The following CCDC47 variants were observed in gnomAD, a reference collection of about 807,000 sequenced individuals.
CCDC47 encodes the protein coiled-coil domain containing 47.
Under a neutral mutation model 60.5 loss-of-function variants are expected in CCDC47, and 41 were observed. The observed-to-expected ratio is 0.68, with a 90% CI of 0.53 to 0.88. CCDC47 has a LOEUF of 0.88. Among genes scored for constraint, CCDC47 ranks in the 40% least tolerant of loss-of-function variants. CCDC47 has a pLI of 0.00. For missense variants in CCDC47, 513 were observed against 580.9 expected, an observed-to-expected ratio of 0.88 and a Z score of 1.20; for synonymous variants, 195 against 190.7, an observed-to-expected ratio of 1.02 and a Z score of -0.18.
In CCDC47 at chr17:63,751,961, A is replaced by C. The variant is rs1568246139; in HGVS notation, c.1350T>G (p.Pro450=). 6.2e-7 allele frequency: 1 copy of C among 1,613,766 alleles called. No individual in the cohort carries two copies. Among genetic ancestry groups the C allele is most frequent in the Non-Finnish European group, 8.5e-7 (1 of 1,180,008 alleles). ...TAACCTCCAGCCTGCGCTGTTTCTC[A>C]GGATCTTCCTCATTCATGATTCGCT... The part of the protein sequence containing the change: ...EKERIMNEED[P]EKQRRLEEAA... Residue 450 remains proline (P), a synonymous_variant, in exon 12 of 13, where the codon CCT becomes CCG. Transcript: ENST00000225726.
At chr17:63,756,778 A>C (rs1381652483) in intron 6 of CCDC47, among the ~76,000 whole-genome samples, 3 of 152,196 alleles carry the variant, frequency 2.0e-5, no homozygotes, top group African/African-American at 7.2e-5. Flanking sequence ...GAATTAACCA[A>C]AAGGGACATT....
chr17:63,770,757 G>A (rs183075227), intron 1 of CCDC47, among the ~76,000 whole-genome samples: 9 of 151,868 alleles, frequency 5.9e-5, no homozygotes, highest in East Asian at 1.9e-4. Flanking sequence ...AGGCCAATAC[G>A]GGCAGATCAG....
chr17:63,757,881 G>T (rs1003729771), intron 6 of CCDC47, among the ~76,000 whole-genome samples: 1 of 152,060 alleles, frequency 6.6e-6, no homozygotes, highest in African/African-American at 2.4e-5. Context: ...ACCCTAGTTA[G>T]CCTCAGGATG....
rs965374240 is a variant in CCDC47, at chr17:63,764,202, A to G, written c.373-12T>C. On this transcript the variant is annotated splice_polypyrimidine_tract_variant and intron_variant, in intron 3 of 12. Transcript: ENST00000225726. ...AGGTGTGCAGGAACCTAAAAAAGCA[A>G]AATCATTCCATTAAATGTTGGCTGA... 1 of 1,572,606 alleles carries G rather than the reference A, an allele frequency of 6.4e-7. No homozygotes were observed. Among genetic ancestry groups the G allele is most frequent in the African/African-American group, 1.4e-5 (1 of 72,978 alleles).
At chr17:63,767,792 A>G (rs1056426415) in intron 1 of CCDC47, among the ~76,000 whole-genome samples, 1 of 152,170 alleles carries the variant, frequency 6.6e-6, no homozygotes, top group South Asian at 2.1e-4. Context: ...ATCCCTGCCT[A>G]TAGTCATCTC....
At chr17:63,755,588 C>T (rs1383033072) in intron 8 of CCDC47, among the ~76,000 whole-genome samples, 2 of 151,850 alleles carry the variant, frequency 1.3e-5, no homozygotes, top group Admixed American at 6.6e-5. Flanking sequence ...AAGATAACAC[C>T]TAAAATAATT....
At chr17:63,751,342 G>T in intron 12 of CCDC47, among the ~76,000 whole-genome samples, 1 of 108,578 alleles carries the variant, frequency 9.2e-6, no homozygotes, top group Middle Eastern at 8.1e-3. Context: ...CTCCAGCCTG[G>T]GTGACAGAGT....
intron 1 of CCDC47, among the ~76,000 whole-genome samples, chr17:63,768,194 G>A (rs1462270400): frequency 1.3e-5 from 2 of 152,196 alleles, no homozygotes; most frequent in Non-Finnish European, 2.9e-5. Flanking sequence ...TGATCCTACT[G>A]TAATTAAATG....
At position 63,771,015 on chromosome 17, in the gene CCDC47, AGG is replaced by A. The variant is rs1345453613; in HGVS notation, c.-20+2395_-20+2396del. On this transcript the variant is annotated intron_variant, in intron 1 of 12. Coordinates refer to ENST00000225726, the MANE Select transcript of CCDC47 (RefSeq NM_020198.3). ...AAAAAAAAAAGAAAGAAAGAAAGAAAGGAAGGAAGGAAGGAAGGAAGGAAGGA... is the reference window on the plus strand; with the variant it reads ...AAAAAAAAAAGAAAGAAAGAAAGAAAAAGGAAGGAAGGAAGGAAGGAAGGA... Among the ~76,000 whole-genome samples, 5 of 64,062 alleles carry A rather than the reference AGG, an allele frequency of 7.8e-5. No individual in the cohort carries two copies. In the East Asian group the frequency reaches 5.3e-3, roughly 68 times the overall value. The allele number at this position is 64,062 out of a possible 152,430, so 42.0% of individuals were successfully genotyped here.
rs1441257135 is a variant in CCDC47 at position 63,757,017 on chromosome 17, A to C, written c.736-447T>G. On this transcript the variant is annotated intron_variant, in intron 6 of 12. Transcript: ENST00000225726. ...TTAAGCCTAGCTACCTGGGAGGCTG[A>C]GGCATGACTGCTTGATGTCAGGAGT... Among the ~76,000 whole-genome samples, 5 of 152,128 alleles carry C rather than the reference A, an allele frequency of 3.3e-5. No individual in the cohort carries two copies. The East Asian group carries it at 9.7e-4, about 29-fold the overall frequency.
At chr17:63,767,586 A>G (rs1444275066) in intron 1 of CCDC47, among the ~76,000 whole-genome samples, 1 of 152,140 alleles carries the variant, frequency 6.6e-6, no homozygotes, top group East Asian at 1.9e-4. Context: ...GCCCTATGTC[A>G]TAACTCACTG....
chr17:63,754,891 GAAA>G (rs368843852), intron 8 of CCDC47, among the ~76,000 whole-genome samples: 1 of 113,978 alleles, frequency 8.8e-6, no homozygotes, highest in Non-Finnish European at 1.9e-5. Flanking sequence ...TCAAAAAAAA[GAAA>G]AAAAAAAAAA....
At position 63,761,854 on chromosome 17, in the gene CCDC47, TTGTC is replaced by T. The variant is rs1473204563; in HGVS notation, c.548-507_548-504del. On this transcript the variant is annotated intron_variant, in intron 4 of 12. Coordinates refer to ENST00000225726, the MANE Select transcript of CCDC47 (RefSeq NM_020198.3). ...ACTGTTCGTTTTACTTTTAAAACTATTGTCTGTATTAGAAGAAATATGGATTCTA... is the reference window on the plus strand; with the variant it reads ...ACTGTTCGTTTTACTTTTAAAACTATTGTATTAGAAGAAATATGGATTCTA... 6 of 952,954 alleles carry T rather than the reference TTGTC, an allele frequency of 6.3e-6. No homozygotes were observed. The African/African-American group carries it at 1.1e-4, about 17-fold the overall frequency. 59.0% of individuals were successfully genotyped at this position (952,954 alleles called of 1,614,324 possible). A position where few individuals can be genotyped will look rare whatever the true frequency, so the allele number is the denominator to read the frequency against.
At chr17:63,751,133 G>C (rs1327135159) in intron 12 of CCDC47, among the ~76,000 whole-genome samples, 3 of 150,828 alleles carry the variant, frequency 2.0e-5, no homozygotes, top group Non-Finnish European at 4.4e-5. Context: ...GCTTGCCTTA[G>C]CCTCCCAAAG....
At chr17:63,770,736 A>G (rs530564268) in intron 1 of CCDC47, among the ~76,000 whole-genome samples, 7 of 152,224 alleles carry the variant, frequency 4.6e-5, no homozygotes, top group African/African-American at 1.4e-4. Flanking sequence ...CTGTAATCCC[A>G]GCACTTTGGG....
intron 1 of CCDC47, among the ~76,000 whole-genome samples, chr17:63,771,045 G>GAAGGAAGGAAGGAAGA (rs759971442): frequency 2.4e-4 from 23 of 97,840 alleles, no homozygotes; most frequent in South Asian, 7.9e-4. Context: ...AGGAAGGAAG[G>GAAGGAAGGAAGGAAGA]AAGAAAGAAA....
chr17:63,760,138 CAT>C (rs2144487362), intron 6 of CCDC47, among the ~76,000 whole-genome samples: 1 of 147,978 alleles, frequency 6.8e-6, no homozygotes, highest in South Asian at 2.2e-4. Context: ...TGCAGATAAA[CAT>C]ATTGATTTAA....
At chr17:63,768,085 A>G (rs2039310065) in intron 1 of CCDC47, among the ~76,000 whole-genome samples, 1 of 152,222 alleles carries the variant, frequency 6.6e-6, no homozygotes, top group African/African-American at 2.4e-5. Flanking sequence ...TGTCTAAAAC[A>G]GAACTTTTGT....
At position 63,751,900 on chromosome 17, in the gene CCDC47, T is replaced by C. The variant is rs778909463; in HGVS notation, c.1371+40A>G. 5.0e-6 allele frequency: 8 copies of C among 1,608,690 alleles called. No individual in the cohort carries two copies. The Admixed American group carries it at 8.3e-5, about 17-fold the overall frequency. Reference sequence around the variant, plus strand: ...CCAACAGAACACAAGCAGTCATCCTTACAAATCGTAGTTTTACCCCAGTGA... The same window carrying C: ...CCAACAGAACACAAGCAGTCATCCTCACAAATCGTAGTTTTACCCCAGTGA... On this transcript the variant is annotated intron_variant, in intron 12 of 12. Coordinates refer to ENST00000225726, the MANE Select transcript of CCDC47 (RefSeq NM_020198.3).
Sources: allele counts gnomAD v4.1 joint callset (sites outside exome capture counted in the v4.1 genomes callset), GRCh38; gene constraint gnomAD v4.1.1; transcripts MANE v1.5; gene names NCBI Gene and HGNC (gene_info 2026-07-23, HGNC 2026-07-21).